The following PI4KA variants were observed in gnomAD, a reference collection of about 807,000 sequenced individuals.
PI4KA encodes phosphatidylinositol 4-kinase alpha, also known as PI4-kinase alpha.
PI4KA carries 122 observed loss-of-function variants against 271.4 expected under a neutral mutation model. The observed-to-expected ratio is 0.45, with a 90% CI of 0.39 to 0.52. PI4KA has a LOEUF of 0.52. Among genes scored for constraint, PI4KA ranks in the 20% least tolerant of loss-of-function variants. The pLI is 0.00. For missense variants in PI4KA, 1,969 were observed against 2,769.1 expected (o/e 0.71, Z 6.48); for synonymous variants, 1,041 against 1,078.8 (o/e 0.96, Z 0.69).
chr22:20,818,534 C>T lies in PI4KA; in HGVS notation c.805G>A (p.Gly269Ser), dbSNP rs1431705942. The T allele has an allele frequency of 3.9e-6, 6 of 1,558,294 alleles. No individual in the cohort carries two copies. Among genetic ancestry groups the T allele is most frequent in the East Asian group, 2.5e-5 (1 of 39,772 alleles). Reference sequence around the variant, plus strand: ...CCAGGGGAACTGGGAGGGGGCATGCCGCGTTCAGGGCTGACCTGAAACACA... The same window carrying T: ...CCAGGGGAACTGGGAGGGGGCATGCTGCGTTCAGGGCTGACCTGAAACACA... ...SSISQVSPER[G>S]MPPPSSPGGS... Residue 269 changes from glycine (G) to serine (S), a missense_variant, in exon 7 of 55, where the codon GGC (glycine) becomes AGC (serine). This residue lies in a region of PI4KA where 540 missense variants were observed against 555.5 expected (regional missense o/e 0.97). Coordinates refer to ENST00000255882, the MANE Select transcript of PI4KA (RefSeq NM_058004.4).
chr22:20,803,355 G>A (rs1196700062), intron 12 of PI4KA, 35 bp from the exon 13 acceptor site: 11 of 1,612,980 alleles, frequency 6.8e-6, no homozygotes, highest in South Asian at 2.2e-5. Context: ...CATGGCCTGT[G>A]GTATGGGACC....
At chr22:20,855,076 C>T (rs542261656) in intron 1 of PI4KA, among the ~76,000 whole-genome samples, 18 of 151,116 alleles carry the variant, frequency 1.2e-4, no homozygotes, top group African/African-American at 4.1e-4. Context: ...CGCTTGAACC[C>T]GGGAGGTGGA....
At chr22:20,776,333 A>C (rs887110504) in intron 19 of PI4KA, among the ~76,000 whole-genome samples, 1 of 152,146 alleles carries the variant, frequency 6.6e-6, no homozygotes, top group African/African-American at 2.4e-5. Context: ...TCTCAAAATA[A>C]AAATAAAAAG....
chr22:20,740,061 CAAAAA>C (rs59323542), intron 32 of PI4KA, among the ~76,000 whole-genome samples: 72 of 73,364 alleles, frequency 9.8e-4, no homozygotes, highest in Admixed American at 1.7e-3. Context: ...GACCCCATCT[CAAAAA>C]AAAAAAAAAA....
chr22:20,790,064 C>T (rs1469546349), intron 19 of PI4KA, among the ~76,000 whole-genome samples: 1 of 152,144 alleles, frequency 6.6e-6, no homozygotes, highest in Non-Finnish European at 1.5e-5. Context: ...AAACGTTTAA[C>T]TAACAAGCTA....
intron 1 of PI4KA, among the ~76,000 whole-genome samples, chr22:20,846,068 GCCA>G (rs1488689893): frequency 1.3e-5 from 2 of 151,752 alleles, no homozygotes; most frequent in South Asian, 4.2e-4. Flanking sequence ...CACCATCCTG[GCCA>G]ACACAGTGAA....
At chr22:20,828,705 C>A (rs953372095) in intron 3 of PI4KA, among the ~76,000 whole-genome samples, 30 of 152,198 alleles carry the variant, frequency 2.0e-4, no homozygotes, top group African/African-American at 7.0e-4. Context: ...CAGATGCCTG[C>A]CACCATGCCT....
At chr22:20,768,571 T>C (rs1426423887) in intron 19 of PI4KA, among the ~76,000 whole-genome samples, 2 of 152,246 alleles carry the variant, frequency 1.3e-5, no homozygotes, top group African/African-American at 2.4e-5. Context: ...TCTTCTTTAA[T>C]GTCTATATTT....
chr22:20,858,713 G>T lies in PI4KA; in HGVS notation c.13C>A (p.Pro5Thr). ...CCTCCGCCTCCGCCTCCCCGGGCCG[G>T]GGCCGCCGCCATCACCTCACGAGCC... Reference protein sequence around the residue: MAAAPARGGGGGGGG... With the variant: MAAATARGGGGGGGG... The change falls in exon 1 of 55, where the codon CCG (proline) becomes ACG (threonine). Residue 5 changes from proline to threonine, a missense_variant. This residue lies in a region of PI4KA where 540 missense variants were observed against 555.5 expected (regional missense o/e 0.97). Transcript: ENST00000255882. 1 of 1,447,484 alleles carries T rather than the reference G, an allele frequency of 6.9e-7. No homozygotes were observed. Among genetic ancestry groups the T allele is most frequent in the Non-Finnish European group, 9.0e-7 (1 of 1,105,446 alleles). 89.7% of individuals were successfully genotyped at this position (1,447,484 alleles called of 1,614,324 possible).
chr22:20,763,762 A>C (rs539395403), intron 22 of PI4KA, among the ~76,000 whole-genome samples: 1 of 152,242 alleles, frequency 6.6e-6, no homozygotes, highest in Admixed American at 6.5e-5. Flanking sequence ...ACTTACAATG[A>C]AAAAAGAACA....
At chr22:20,731,655 C>T (rs2147243346) in intron 36 of PI4KA, among the ~76,000 whole-genome samples, 1 of 152,284 alleles carries the variant, frequency 6.6e-6, no homozygotes, top group South Asian at 2.1e-4. Context: ...ATTGGCCGGG[C>T]ACGGTGGCTC....
At chr22:20,724,241 G>A (rs1455150708) in intron 42 of PI4KA, among the ~76,000 whole-genome samples, 3 of 151,568 alleles carry the variant, frequency 2.0e-5, no homozygotes, top group African/African-American at 7.3e-5. Flanking sequence ...GGAGGCAGAG[G>A]TTGTAGTGAG....
intron 3 of PI4KA, among the ~76,000 whole-genome samples, chr22:20,832,541 C>T (rs1924323040): frequency 6.6e-6 from 1 of 152,160 alleles, no homozygotes; most frequent in Non-Finnish European, 1.5e-5. Flanking sequence ...GCAACCTCTA[C>T]CTCCCAGGTT....
At position 20,734,481 on chromosome 22, in the gene PI4KA, T is replaced by A. The variant is rs1377905528; in HGVS notation, c.3814A>T (p.Lys1272Ter). 6.2e-7 allele frequency: 1 copy of A among 1,613,660 alleles called. No individual in the cohort carries two copies. The highest frequency in any genetic ancestry group is 8.5e-7 in the Non-Finnish European group (1 of 1,179,808). The change falls in exon 33 of 55, where the codon AAG becomes TAG. Residue 1272 changes from lysine (K) to a stop codon, truncating the protein, a stop_gained. Coordinates refer to ENST00000255882, the MANE Select transcript of PI4KA (RefSeq NM_058004.4). LOFTEE classifies it high-confidence loss of function. ...GAGGCAGCCAGGGGGTCTGCTTCCT[T>A]TATCTCAGCAGAAAACAGGCCAAAT... Reference protein sequence around the residue: ...QKFGLFSAEIKEADPLAASEA... With the variant: ...QKFGLFSAEI
chr22:20,777,226 T>C (rs1468248894), intron 19 of PI4KA, among the ~76,000 whole-genome samples: 1 of 151,620 alleles, frequency 6.6e-6, no homozygotes, highest in Non-Finnish European at 1.5e-5. Context: ...TTTCTTTTTT[T>C]TTTTTTTGAG....
intron 18 of PI4KA, 47 bp from the exon 19 acceptor site, chr22:20,793,290 T>G: frequency 8.9e-7 from 1 of 1,119,400 alleles, no homozygotes; most frequent in Admixed American, 1.9e-5. Context: ...GTGTTTCTTT[T>G]ATTAAAAAAA....
At chr22:20,768,522 A>AT (rs749568883) in intron 19 of PI4KA, among the ~76,000 whole-genome samples, 25 of 152,224 alleles carry the variant, frequency 1.6e-4, no homozygotes, top group Non-Finnish European at 2.6e-4. Context: ...AAGCAGCCAC[A>AT]TGTTAAGATT....
chr22:20,727,101 A>G (rs546114450), intron 41 of PI4KA, 129 bp downstream of exon 41: 16 of 725,716 alleles, frequency 2.2e-5, no homozygotes, highest in Admixed American at 1.6e-4. Context: ...TACTTGAGCA[A>G]AAAACAGGGA....
chr22:20,710,241 A>G (rs1925079099), intron 52 of PI4KA: 2 of 585,514 alleles, frequency 3.4e-6, no homozygotes, highest in East Asian at 3.0e-5. Context: ...TGTCCCCCAC[A>G]TAAGGCTGCC....
Sources: allele counts gnomAD v4.1 joint callset (sites outside exome capture counted in the v4.1 genomes callset), GRCh38; gene constraint gnomAD v4.1.1; regional missense constraint gnomAD v4.1.1; transcripts MANE v1.5; gene names NCBI Gene and HGNC (gene_info 2026-07-23, HGNC 2026-07-21).